The following XKR4 variants were observed in gnomAD, a reference collection of about 807,000 sequenced individuals.
XKR4 encodes the protein XK related 4.
XKR4 carries 12 observed loss-of-function variants against 53.9 expected under a neutral mutation model. That is an observed-to-expected ratio of 0.22 (90% CI 0.14 to 0.36). The LOEUF (loss-of-function observed/expected upper bound fraction) is 0.36, where lower values mean the gene tolerates loss of function less well. Ranked by LOEUF, XKR4 falls within the 10% of genes least tolerant of loss-of-function variation. The pLI, the probability that XKR4 is intolerant of heterozygous loss-of-function variation, is 1.00. For missense variants in XKR4, 799 were observed against 859.5 expected (o/e 0.93, Z 0.88); for synonymous variants, 354 against 362.4 (o/e 0.98, Z 0.26).
intron 2 of XKR4, among the ~76,000 whole-genome samples, chr8:55,406,682 C>T (rs1396708217): frequency 6.6e-6 from 1 of 152,230 alleles, no homozygotes; most frequent in Admixed American, 6.5e-5. Flanking sequence ...TTCTGAGCCT[C>T]ATTTGCCCTA....
intron 2 of XKR4, among the ~76,000 whole-genome samples, chr8:55,409,842 A>G (rs1442586554): frequency 6.6e-6 from 1 of 152,224 alleles, no homozygotes; most frequent in Non-Finnish European, 1.5e-5. Flanking sequence ...ACAGAGGGTA[A>G]GGAAATTCTG....
chr8:55,281,994 C>A (rs1164066865), intron 1 of XKR4, among the ~76,000 whole-genome samples: 1 of 152,192 alleles, frequency 6.6e-6, no homozygotes, highest in African/African-American at 2.4e-5. Context: ...TCAGTGGAAG[C>A]AACAAAGTAA....
At chr8:55,507,818 T>A (rs1806566150) in intron 2 of XKR4, among the ~76,000 whole-genome samples, 1 of 152,214 alleles carries the variant, frequency 6.6e-6, no homozygotes, top group East Asian at 1.9e-4. Flanking sequence ...TACGTGTGCA[T>A]GTGTCTTTAT....
At chr8:55,456,775 G>A (rs534292268) in intron 2 of XKR4, among the ~76,000 whole-genome samples, 2 of 152,158 alleles carry the variant, frequency 1.3e-5, no homozygotes, top group East Asian at 1.9e-4. Flanking sequence ...AGCATCAAAG[G>A]CATGTAGGGC....
chr8:55,452,623 G>A (rs988552083), intron 2 of XKR4: 3 of 1,249,818 alleles, frequency 2.4e-6, no homozygotes, highest in Non-Finnish European at 3.5e-6. Context: ...ACGATGTCTG[G>A]CACCATGACA....
chr8:55,452,231 G>T (rs547735856), intron 2 of XKR4: 687 of 656,664 alleles, frequency 1.0e-3, no homozygotes, highest in Non-Finnish European at 1.3e-3. Flanking sequence ...GGAATGTGCA[G>T]GAGCGCAGCT....
At chr8:55,493,235 T>C (rs987892490) in intron 2 of XKR4, among the ~76,000 whole-genome samples, 1 of 152,142 alleles carries the variant, frequency 6.6e-6, no homozygotes, top group African/African-American at 2.4e-5. Context: ...ATGAGAAACA[T>C]CAGAAAATCA....
intron 2 of XKR4, among the ~76,000 whole-genome samples, chr8:55,365,004 G>C (rs1803955546): frequency 6.6e-6 from 1 of 152,210 alleles, no homozygotes; most frequent in African/African-American, 2.4e-5. Context: ...AGTTTAATTA[G>C]TATTATTAAT....
chr8:55,384,921 G>A (rs1380705744), intron 2 of XKR4, among the ~76,000 whole-genome samples: 2 of 152,146 alleles, frequency 1.3e-5, no homozygotes, highest in Non-Finnish European at 2.9e-5. Flanking sequence ...TATTCTCATG[G>A]CTAAAAATAC....
At chr8:55,333,275 A>C (rs1022894021) in intron 1 of XKR4, among the ~76,000 whole-genome samples, 2 of 152,082 alleles carry the variant, frequency 1.3e-5, no homozygotes, top group African/African-American at 4.8e-5. Context: ...TGAATTGGCC[A>C]TGTTTGTCCA....
chr8:55,515,234 A>C (rs1212538743), intron 2 of XKR4, among the ~76,000 whole-genome samples: 3 of 152,254 alleles, frequency 2.0e-5, no homozygotes, highest in African/African-American at 7.2e-5. Context: ...AAAACTAAAC[A>C]TATTAAAGCA....
intron 2 of XKR4, chr8:55,453,231 C>T (rs930527180): frequency 4.1e-6 from 2 of 493,538 alleles, no homozygotes; most frequent in Non-Finnish European, 8.3e-6. Context: ...AAGGCTGTGA[C>T]CAGAGGCAGC....
intron 2 of XKR4, among the ~76,000 whole-genome samples, chr8:55,490,495 C>T (rs1156464151): frequency 6.6e-6 from 1 of 151,970 alleles, no homozygotes; most frequent in Non-Finnish European, 1.5e-5. Flanking sequence ...TCAATTGTAC[C>T]CCGAAATTCA....
chr8:55,529,267 T>C lies in XKR4; in HGVS notation c.*5040T>C, dbSNP rs1288950139. 1 of 152,022 alleles carries C rather than the reference T, an allele frequency of 6.6e-6. No homozygotes were observed. Among genetic ancestry groups the C allele is most frequent in the Admixed American group, 6.6e-5 (1 of 15,250 alleles). 9.4% of individuals were successfully genotyped at this position (152,022 alleles called of 1,614,324 possible). ...TATATATATATTGCAGGCAGTGACC[T>C]GGCCCCCAAATGTAAAGCTTTTGTC... On this transcript the variant is annotated 3_prime_UTR_variant, in exon 3 of 3. Transcript: ENST00000327381.
chr8:55,161,075 G>T (rs1365157967), intron 1 of XKR4, among the ~76,000 whole-genome samples: 1 of 152,110 alleles, frequency 6.6e-6, no homozygotes, highest in Non-Finnish European at 1.5e-5. Context: ...TTCGGCTTTG[G>T]TGGTTATCTC....
intron 1 of XKR4, among the ~76,000 whole-genome samples, chr8:55,205,945 G>A (rs1257590496): frequency 6.6e-6 from 1 of 152,126 alleles, no homozygotes; most frequent in African/African-American, 2.4e-5. Flanking sequence ...CTTCTGGTGG[G>A]TTCGTGGTCT....
At chr8:55,451,196 C>T in intron 2 of XKR4, 1 of 556,184 alleles carries the variant, frequency 1.8e-6, no homozygotes, top group East Asian at 3.2e-5. Context: ...GTGGGGCCAT[C>T]GCCTCTCTGC....
intron 2 of XKR4, among the ~76,000 whole-genome samples, chr8:55,405,965 C>T (rs565394157): frequency 3.1e-4 from 47 of 152,246 alleles, no homozygotes; most frequent in African/African-American, 1.1e-3. Flanking sequence ...TGAGCAGCCT[C>T]AATGTTATGT....
chr8:55,511,802 C>A lies in XKR4; in HGVS notation c.1007-11479C>A, dbSNP rs548140072. On this transcript the variant is annotated intron_variant, in intron 2 of 2. Transcript: ENST00000327381. ...AAATATTATCCTGTCAAAAGCATTTCTTTTATATCTCTAAGGAAGAAAAAA... is the reference window on the plus strand; with the variant it reads ...AAATATTATCCTGTCAAAAGCATTTATTTTATATCTCTAAGGAAGAAAAAA... Among the ~76,000 whole-genome samples, 24 of 152,296 alleles carry A rather than the reference C, an allele frequency of 1.6e-4. No homozygotes were observed. The South Asian group carries it at 4.3e-3, about 28-fold the overall frequency.
Sources: gnomAD v4.1 joint callset for allele counts (sites outside exome capture counted in the v4.1 genomes callset) on GRCh38, gnomAD v4.1.1 for gene constraint, MANE v1.5 for transcripts, NCBI Gene and HGNC (gene_info 2026-07-23, HGNC 2026-07-21) for gene names.